SPAG17: variants seen among roughly 807,000 people sequenced by gnomAD.
The protein encoded by SPAG17 is sperm associated antigen 17, also known as sperm-associated antigen 17.
A neutral mutation model predicts 273.6 loss-of-function variants in SPAG17; 169 were observed. The observed-to-expected ratio is 0.62, with a 90% CI of 0.55 to 0.70. The LOEUF is 0.70. Among genes scored for constraint, SPAG17 ranks in the 30% least tolerant of loss-of-function variants. SPAG17 has a pLI of 0.00. For synonymous variants in SPAG17, 825 were observed against 873.2 expected (o/e 0.94, Z 0.97); for missense variants, 2,557 against 2,627.8 (o/e 0.97, Z 0.59).
At chr1:118,184,102 A>C (rs1661068120) in intron 1 of SPAG17, among the ~76,000 whole-genome samples, 2 of 152,196 alleles carry the variant, frequency 1.3e-5, no homozygotes, top group African/African-American at 2.4e-5. Context: ...GTTATAGTGG[A>C]AAATAAAGAC....
In SPAG17 at chr1:118,091,669, C is replaced by T; in HGVS notation, c.1296G>A (p.Leu432=). The T allele has an allele frequency of 6.2e-7, 1 of 1,612,782 alleles. No individual in the cohort carries two copies. The highest frequency in any genetic ancestry group is 8.5e-7 in the Non-Finnish European group (1 of 1,179,020). Residue 432 remains leucine (L), a synonymous_variant, in exon 10 of 49, where the codon TTG becomes TTA. Coordinates refer to ENST00000336338, the MANE Select transcript of SPAG17 (RefSeq NM_206996.4). ...TGAATTCCTCTCGAATTGGATTCAGCAAATAATTGTAATATCTCATGTCTA... is the reference window on the plus strand; with the variant it reads ...TGAATTCCTCTCGAATTGGATTCAGTAAATAATTGTAATATCTCATGTCTA... ...TEVDMRYYNY[L]LNPIREEFIS...
intron 43 of SPAG17, among the ~76,000 whole-genome samples, chr1:117,978,082 T>G (rs1320596364): frequency 6.6e-6 from 1 of 152,220 alleles, no homozygotes; most frequent in Non-Finnish European, 1.5e-5. Context: ...CCACCTCCTA[T>G]TCTTCTAGCT....
chr1:117,986,593 A>G (rs1284818413), intron 40 of SPAG17, among the ~76,000 whole-genome samples: 3 of 152,224 alleles, frequency 2.0e-5, no homozygotes, highest in Non-Finnish European at 4.4e-5. Flanking sequence ...TAATACAGGC[A>G]TATGTACACA....
In SPAG17 at chr1:117,959,162, CAAGAA is replaced by C. The variant is rs909634893; in HGVS notation, c.*4632_*4636del. The C allele has an allele frequency of 2.1e-5, 29 of 1,363,688 alleles. No individual in the cohort carries two copies. In the African/African-American group the frequency reaches 4.0e-4, roughly 19 times the overall value. The allele number at this position is 1,363,688 out of a possible 1,614,324, so 84.5% of individuals were successfully genotyped here. On this transcript the variant is annotated intron_variant, in intron 48 of 48. Coordinates refer to ENST00000336338, the MANE Select transcript of SPAG17 (RefSeq NM_206996.4). ...AATTAGTAGGAATAGAAAAAACAAA[CAAGAA>C]AAGTTCTTAATGAGGGAAAGATAAG...
chr1:118,147,106 G>A (rs1318625180), intron 3 of SPAG17, among the ~76,000 whole-genome samples: 1 of 152,056 alleles, frequency 6.6e-6, no homozygotes, highest in Non-Finnish European at 1.5e-5. Context: ...CCACGCGCCA[G>A]GCTTATGTCC....
chr1:117,954,440 A>G (rs906280867), intron 48 of SPAG17: 2 of 770,810 alleles, frequency 2.6e-6, no homozygotes, highest in Non-Finnish European at 4.1e-6. Flanking sequence ...AGGTTTGATA[A>G]TTCTTTTACA....
intron 25 of SPAG17, among the ~76,000 whole-genome samples, chr1:118,029,741 G>A (rs1192944116): frequency 1.3e-5 from 2 of 151,882 alleles, no homozygotes; most frequent in Admixed American, 1.3e-4. Context: ...TTTCCAGTTG[G>A]TTCTCTTTTG....
chr1:118,044,351 G>A (rs1462741799), intron 20 of SPAG17, among the ~76,000 whole-genome samples: 1 of 152,010 alleles, frequency 6.6e-6, no homozygotes, highest in African/African-American at 2.4e-5. Flanking sequence ...TGGGTGTGGT[G>A]GTGGGCGCCT....
At chr1:118,123,890 T>A (rs1657557755) in intron 3 of SPAG17, among the ~76,000 whole-genome samples, 1 of 152,190 alleles carries the variant, frequency 6.6e-6, no homozygotes, top group Non-Finnish European at 1.5e-5. Flanking sequence ...GTAGAACAGA[T>A]CTATGCTTTA....
chr1:118,067,386 T>C (rs763673009), intron 17 of SPAG17, among the ~76,000 whole-genome samples: 2 of 152,218 alleles, frequency 1.3e-5, no homozygotes, highest in Non-Finnish European at 2.9e-5. Flanking sequence ...GATGGGGTCA[T>C]GAGACTAGGG....
chr1:118,140,355 C>T (rs953664814), intron 3 of SPAG17, among the ~76,000 whole-genome samples: 2 of 151,980 alleles, frequency 1.3e-5, no homozygotes, highest in Non-Finnish European at 2.9e-5. Context: ...CAAATGTTCT[C>T]ACCACAAAAA....
chr1:118,069,509 C>T (rs960184266), intron 17 of SPAG17, among the ~76,000 whole-genome samples: 12 of 151,910 alleles, frequency 7.9e-5, no homozygotes, highest in Admixed American at 2.6e-4. Flanking sequence ...TGATGGTGAC[C>T]TTTTCTGAGA....
chr1:118,058,937 C>T (rs566487514), intron 18 of SPAG17, among the ~76,000 whole-genome samples: 2 of 152,114 alleles, frequency 1.3e-5, no homozygotes, highest in Non-Finnish European at 2.9e-5. Context: ...ACACATGCTA[C>T]ACATGTCAAA....
chr1:118,074,450 C>CT, intron 16 of SPAG17, 89 bp downstream of exon 16: 1 of 1,109,294 alleles, frequency 9.0e-7, no homozygotes, highest in South Asian at 1.3e-5. Context: ...TAAGTATCTT[C>CT]TTTTTTCTTT....
At chr1:118,089,006 G>A (rs1376554242) in intron 10 of SPAG17, among the ~76,000 whole-genome samples, 1 of 152,200 alleles carries the variant, frequency 6.6e-6, no homozygotes, top group Admixed American at 6.5e-5. Flanking sequence ...CAACGAACAA[G>A]ACTACATTGT....
intron 48 of SPAG17, 130 bp downstream of exon 48, chr1:117,963,669 A>G (rs1653416668): frequency 3.4e-6 from 3 of 877,314 alleles, no homozygotes; most frequent in Admixed American, 2.9e-5. Context: ...CGGCCTAAAC[A>G]AATATTTTCA....
chr1:117,971,782 A>G, intron 45 of SPAG17, 81 bp downstream of exon 45: 1 of 1,224,422 alleles, frequency 8.2e-7, no homozygotes, highest in South Asian at 1.5e-5. Flanking sequence ...TTCAATAAAC[A>G]TTTATTGATG....
At chr1:118,013,157 C>A (rs1659641052) in intron 29 of SPAG17, among the ~76,000 whole-genome samples, 1 of 152,202 alleles carries the variant, frequency 6.6e-6, no homozygotes, top group African/African-American at 2.4e-5. Flanking sequence ...AACTGCAGTA[C>A]TGTAAATTGC....
intron 18 of SPAG17, among the ~76,000 whole-genome samples, chr1:118,060,962 C>T (rs1407225421): frequency 1.3e-5 from 2 of 152,234 alleles, no homozygotes; most frequent in Middle Eastern, 6.8e-3. Context: ...CACTAATCAT[C>T]GAGGACTTGC....
Sources: allele counts gnomAD v4.1 joint callset (sites outside exome capture counted in the v4.1 genomes callset), GRCh38; gene constraint gnomAD v4.1.1; transcripts MANE v1.5; gene names NCBI Gene and HGNC (gene_info 2026-07-23, HGNC 2026-07-21).